DLGAP4: variants seen among roughly 807,000 people sequenced by gnomAD.
DLGAP4 encodes the protein DLG associated protein 4, also known as disks large-associated protein 4.
In DLGAP4, 18 loss-of-function variants were observed where a neutral mutation model predicts 86.9. The ratio of observed to expected loss-of-function variants is 0.21; its 90% CI spans 0.14 to 0.31. The LOEUF is 0.31. Ranked by LOEUF, DLGAP4 falls within the 10% of genes least tolerant of loss-of-function variation. DLGAP4 has a pLI of 1.00. For synonymous variants in DLGAP4, 548 were observed against 574.3 expected, an observed-to-expected ratio of 0.95 and a Z score of 0.65; for missense variants, 1,085 against 1,362.6, an observed-to-expected ratio of 0.80 and a Z score of 3.21.
intron 1 of DLGAP4, among the ~76,000 whole-genome samples, chr20:36,311,286 A>G (rs952052637): frequency 1.3e-4 from 20 of 152,020 alleles, no homozygotes; most frequent in African/African-American, 4.6e-4. Context: ...CCTTGCAGGG[A>G]GGGCAGCGTT....
intron 8 of DLGAP4, 191 bp from the exon 9 acceptor site, chr20:36,499,397 G>A (rs1048137886): frequency 1.4e-5 from 15 of 1,076,084 alleles, no homozygotes; most frequent in South Asian, 1.6e-5. Flanking sequence ...CCGCCTCCAC[G>A]CGAATGAGCA....
chr20:36,382,195 A>G (rs1175273836), intron 2 of DLGAP4, among the ~76,000 whole-genome samples: 5 of 152,132 alleles, frequency 3.3e-5, no homozygotes, highest in African/African-American at 1.2e-4. Context: ...CATTTGAGAC[A>G]TTTCTTGGCC....
At chr20:36,399,571 G>A (rs1382915123) in intron 2 of DLGAP4, among the ~76,000 whole-genome samples, 1 of 152,194 alleles carries the variant, frequency 6.6e-6, no homozygotes, top group African/African-American at 2.4e-5. Flanking sequence ...GCCTTGAGCT[G>A]GGGAGGGGCA....
intron 1 of DLGAP4, among the ~76,000 whole-genome samples, chr20:36,316,990 C>T (rs1440459413): frequency 6.6e-6 from 1 of 152,174 alleles, no homozygotes; most frequent in Non-Finnish European, 1.5e-5. Flanking sequence ...AAATCTTTCT[C>T]CAGGATAGGA....
intron 2 of DLGAP4, among the ~76,000 whole-genome samples, chr20:36,378,800 T>C: frequency 6.6e-6 from 1 of 151,832 alleles, no homozygotes; most frequent in Non-Finnish European, 1.5e-5. Context: ...TCAGCCACAG[T>C]AGGAGGGTTC....
intron 1 of DLGAP4, among the ~76,000 whole-genome samples, chr20:36,353,949 G>A (rs782054969): frequency 1.8e-4 from 28 of 152,200 alleles, no homozygotes; most frequent in Non-Finnish European, 4.0e-4. Context: ...AGCAAATGAG[G>A]GGCAGAAGTG....
rs751406264 is a variant in DLGAP4, at chr20:36,524,263, C to T, written c.2526C>T (p.Val842=). ...TCTGTTTCTCAGTCTTAGGAAAAGT[C>T]CTCAGTGCTGTGGGCAGTGCCCAGC... ...NNLSEEVLGK[V]LSAVGSAQLL... is the part of the protein sequence containing the mutation. Residue 842 remains valine, a synonymous_variant, in exon 11 of 13, where the codon GTC becomes GTT. Coordinates refer to ENST00000339266, the MANE Select transcript of DLGAP4 (RefSeq NM_001365621.2). 1.2e-6 allele frequency: 2 copies of T among 1,614,180 alleles called. No individual in the cohort carries two copies. Among genetic ancestry groups the T allele is most frequent in the East Asian group, 4.5e-5 (2 of 44,884 alleles).
intron 11 of DLGAP4, 163 bp from the exon 12 acceptor site, chr20:36,525,688 A>G: frequency 1.1e-6 from 1 of 922,518 alleles, no homozygotes. Flanking sequence ...TGCTGACCAG[A>G]ACTGGCTTAG....
intron 2 of DLGAP4, among the ~76,000 whole-genome samples, chr20:36,386,953 C>A (rs767611046): frequency 6.6e-6 from 1 of 151,966 alleles, no homozygotes; most frequent in Non-Finnish European, 1.5e-5. Context: ...TTCATTTTTT[C>A]TGCCGAATAG....
chr20:36,492,024 C>T (rs995439848), intron 7 of DLGAP4, among the ~76,000 whole-genome samples: 1 of 152,132 alleles, frequency 6.6e-6, no homozygotes, highest in Non-Finnish European at 1.5e-5. Context: ...AGACGGCAGT[C>T]GGGAGGCTCT....
At chr20:36,385,170 C>G (rs1037109405) in intron 2 of DLGAP4, among the ~76,000 whole-genome samples, 1 of 152,032 alleles carries the variant, frequency 6.6e-6, no homozygotes, top group Non-Finnish European at 1.5e-5. Context: ...CACCACTAGC[C>G]CCACGAAGAT....
chr20:36,391,080 G>A (rs1191237423), intron 2 of DLGAP4, among the ~76,000 whole-genome samples: 1 of 152,114 alleles, frequency 6.6e-6, no homozygotes, highest in Non-Finnish European at 1.5e-5. Flanking sequence ...CCCTTTAAAT[G>A]CTAGAAACTC....
chr20:36,394,245 C>T (rs915905895), intron 2 of DLGAP4, among the ~76,000 whole-genome samples: 3 of 152,186 alleles, frequency 2.0e-5, no homozygotes, highest in Admixed American at 2.0e-4. Context: ...CACCGTTATC[C>T]GCCCGTGTGG....
At chr20:36,423,227 T>G (rs931962568) in intron 2 of DLGAP4, among the ~76,000 whole-genome samples, 1 of 151,948 alleles carries the variant, frequency 6.6e-6, no homozygotes, top group Non-Finnish European at 1.5e-5. Context: ...TTTGGGAGGC[T>G]GAGGCGGGCG....
intron 2 of DLGAP4, among the ~76,000 whole-genome samples, chr20:36,412,170 A>G (rs1414025314): frequency 6.6e-6 from 1 of 152,216 alleles, no homozygotes; most frequent in African/African-American, 2.4e-5. Context: ...CATTCTGACC[A>G]TTTTGTTCTG....
intron 2 of DLGAP4, among the ~76,000 whole-genome samples, chr20:36,402,373 T>C (rs532548964): frequency 7.9e-5 from 12 of 152,352 alleles, no homozygotes; most frequent in African/African-American, 2.9e-4. Context: ...TTGGGTCTGT[T>C]AAATGGGCTA....
intron 6 of DLGAP4, among the ~76,000 whole-genome samples, chr20:36,445,135 C>A (rs2033556005): frequency 6.6e-6 from 1 of 151,790 alleles, no homozygotes; most frequent in South Asian, 2.1e-4. Flanking sequence ...AGCTGGGGTC[C>A]CACTATGTTG....
intron 7 of DLGAP4, among the ~76,000 whole-genome samples, chr20:36,487,533 G>A (rs1355420753): frequency 1.3e-5 from 2 of 152,046 alleles, no homozygotes; most frequent in Admixed American, 1.3e-4. Flanking sequence ...CTCCCTCCAC[G>A]AGCTAAGGTA....
intron 2 of DLGAP4, among the ~76,000 whole-genome samples, chr20:36,377,752 G>A (rs1337749739): frequency 6.6e-6 from 1 of 152,172 alleles, no homozygotes; most frequent in Non-Finnish European, 1.5e-5. Flanking sequence ...GGCAGGTTGG[G>A]GCGGCGGATG....
Sources: allele counts gnomAD v4.1 joint callset (sites outside exome capture counted in the v4.1 genomes callset), GRCh38; gene constraint gnomAD v4.1.1; transcripts MANE v1.5; gene names NCBI Gene and HGNC (gene_info 2026-07-23, HGNC 2026-07-21).